The following VIPR2 variants were observed in gnomAD, a reference collection of about 807,000 sequenced individuals.
The protein encoded by VIPR2 is vasoactive intestinal polypeptide receptor 2.
In VIPR2, 48 loss-of-function variants were observed where a neutral mutation model predicts 58.0. The ratio of observed to expected loss-of-function variants is 0.83; its 90% CI spans 0.66 to 1.05. VIPR2 has a LOEUF of 1.05. Ranked by LOEUF, VIPR2 falls within the 50% of genes least tolerant of loss-of-function variation. The pLI, the probability that VIPR2 is intolerant of heterozygous loss-of-function variation, is 0.00. For missense variants in VIPR2, 534 were observed against 558.0 expected, an observed-to-expected ratio of 0.96 and a Z score of 0.43; for synonymous variants, 243 against 235.2, an observed-to-expected ratio of 1.03 and a Z score of -0.30.
At chr7:159,087,629 AC>A (rs879348075) in intron 4 of VIPR2, among the ~76,000 whole-genome samples, 4 of 129,312 alleles carry the variant, frequency 3.1e-5, no homozygotes, top group Non-Finnish European at 6.7e-5. Context: ...AGCTTCTCCA[AC>A]AAACAATACC....
At chr7:159,140,802 C>A (rs1019477013) in intron 2 of VIPR2, among the ~76,000 whole-genome samples, 1 of 152,210 alleles carries the variant, frequency 6.6e-6, no homozygotes, top group African/African-American at 2.4e-5. Context: ...TGAGGGGGAG[C>A]CCCTGTGAAT....
chr7:159,117,164 G>A (rs1263764748), intron 2 of VIPR2: 2 of 623,520 alleles, frequency 3.2e-6, no homozygotes, highest in Non-Finnish European at 5.8e-6. Context: ...CGGAGTGCGG[G>A]AGCCAGCCGA....
chr7:159,115,042 G>A (rs1796186395), intron 2 of VIPR2, among the ~76,000 whole-genome samples: 1 of 152,174 alleles, frequency 6.6e-6, no homozygotes. Context: ...AAAAACCCTA[G>A]AACTGTACTT....
At chr7:159,140,775 AC>A (rs1483872610) in intron 2 of VIPR2, among the ~76,000 whole-genome samples, 1 of 152,148 alleles carries the variant, frequency 6.6e-6, no homozygotes, top group Non-Finnish European at 1.5e-5. Flanking sequence ...GATATGACTC[AC>A]ACACGGACTG....
intron 4 of VIPR2, among the ~76,000 whole-genome samples, chr7:159,063,942 G>C (rs1246461906): frequency 6.7e-6 from 1 of 148,288 alleles, no homozygotes; most frequent in Admixed American, 6.7e-5. Context: ...TGGATCTGGG[G>C]GGCCTGGCGG....
At chr7:159,103,419 C>T (rs1429253226) in intron 4 of VIPR2, among the ~76,000 whole-genome samples, 1 of 152,200 alleles carries the variant, frequency 6.6e-6, no homozygotes, top group Non-Finnish European at 1.5e-5. Context: ...AATCCAAATG[C>T]AGAAAGGGCA....
rs1043577349 is a variant in VIPR2 at position 159,093,896 on chromosome 7, C to T, written c.357+9861G>A. On this transcript the variant is annotated intron_variant, in intron 4 of 12. Coordinates refer to ENST00000262178, the MANE Select transcript of VIPR2 (RefSeq NM_003382.5). This position sits in a 1 kb window ranked among gnomAD's most constrained non-coding sequence, Gnocchi z 6.7. ...CCACCCCATGCCCAGTGCTGACGGGCGCCCCTCGTGACTCCCTCTTTCAGG... is the reference window on the plus strand; with the variant it reads ...CCACCCCATGCCCAGTGCTGACGGGTGCCCCTCGTGACTCCCTCTTTCAGG... 3.9e-5 allele frequency among the ~76,000 whole-genome samples: 6 copies of T among 152,168 alleles called. No individual in the cohort carries two copies. The highest frequency in any genetic ancestry group is 8.8e-5 in the Non-Finnish European group (6 of 68,028).
rs1350972862 is a variant in VIPR2 at position 159,128,247 on chromosome 7, T to C, written c.151+14199A>G. On this transcript the variant is annotated intron_variant, in intron 2 of 12. Transcript: ENST00000262178. This position sits in a 1 kb window ranked among gnomAD's most constrained non-coding sequence, Gnocchi z 4.1. ...ATGGTGTGGAACAGCTGCTGGGCCC[T>C]GGGATGTCTGCCCCATCCATACCTT... Among the ~76,000 whole-genome samples, 3 of 152,128 alleles carry C rather than the reference T, an allele frequency of 2.0e-5. No individual in the cohort carries two copies. The highest frequency in any genetic ancestry group is 2.9e-5 in the Non-Finnish European group (2 of 68,010).
At chr7:159,107,209 C>T (rs1202916328) in intron 3 of VIPR2, among the ~76,000 whole-genome samples, 6 of 152,174 alleles carry the variant, frequency 3.9e-5, no homozygotes, top group East Asian at 1.9e-4. Flanking sequence ...GCTGGATGGG[C>T]GGCTGAGCTG....
Position 159,063,360 on chromosome 7 carries a change from C to T in VIPR2, c.358-4782G>A, listed in dbSNP as rs1300023284. Among the ~76,000 whole-genome samples the T allele has an allele frequency of 3.9e-5, 6 of 152,240 alleles. No individual in the cohort carries two copies. The South Asian group carries it at 1.0e-3, about 26-fold the overall frequency. On this transcript the variant is annotated intron_variant, in intron 4 of 12. Coordinates refer to ENST00000262178, the MANE Select transcript of VIPR2 (RefSeq NM_003382.5). The stretch of plus-strand genomic sequence containing the variant: ...GGCACTGCTGGGGGAACCCGGTGCA[C>T]CCTCCACAGCTGCTGGCCCGGGTGC...
At position 159,031,024 on chromosome 7, in the gene VIPR2, T is replaced by A. The variant is rs1258095524; in HGVS notation, c.1144-235A>T. ...AGACTCTAAGACTGTGCGTGGGTGGTTCGGGGATCGCCACTGCCGCGGTAA... is the reference window on the plus strand; with the variant it reads ...AGACTCTAAGACTGTGCGTGGGTGGATCGGGGATCGCCACTGCCGCGGTAA... On this transcript the variant is annotated intron_variant, in intron 12 of 12. Coordinates refer to ENST00000262178, the MANE Select transcript of VIPR2 (RefSeq NM_003382.5). This position sits in a 1 kb window ranked among gnomAD's most constrained non-coding sequence, Gnocchi z 4.0. 6.6e-6 allele frequency among the ~76,000 whole-genome samples: 1 copy of A among 152,144 alleles called. No homozygotes were observed.
At chr7:159,120,116 G>A (rs151098697) in intron 2 of VIPR2, among the ~76,000 whole-genome samples, 15 of 152,206 alleles carry the variant, frequency 9.9e-5, no homozygotes, top group Non-Finnish European at 1.3e-4. Context: ...TTCTGCACCT[G>A]CTGAGGGTCC....
Position 159,035,955 on chromosome 7 carries a change from G to C in VIPR2, c.806C>G (p.Thr269Ser). The C allele has an allele frequency of 6.2e-7, 1 of 1,613,680 alleles. No homozygotes were observed. Among genetic ancestry groups the C allele is most frequent in the Non-Finnish European group, 8.5e-7 (1 of 1,179,794 alleles). The stretch of plus-strand genomic sequence containing the variant: ...TGCAGTCTGGTCATGGACTCACCCG[G>C]TGTCTTCTAAGTAGAGCCTGGCCGC... ...WTAARLYLEDTGCWDTNDHSV... is the reference protein window; with the variant it reads ...WTAARLYLEDSGCWDTNDHSV... The change falls in exon 8 of 13, where the codon ACC becomes AGC. Residue 269 changes from threonine (T) to serine (S), a missense_variant. Physicochemically the swap from Thr to Ser is moderately conservative, Grantham distance 58. Around this residue, in one of 3 missense-constraint regions of VIPR2, gnomAD observed 306 missense variants for 285.8 expected, o/e 1.07. Transcript: ENST00000262178.
intron 3 of VIPR2, among the ~76,000 whole-genome samples, chr7:159,105,491 G>A (rs761866425): frequency 3.3e-5 from 5 of 152,212 alleles, no homozygotes; most frequent in East Asian, 1.9e-4. Context: ...AGTGGGGTGC[G>A]TGCATGATTC....
chr7:159,052,487 G>C (rs1585368970), intron 5 of VIPR2, among the ~76,000 whole-genome samples: 1 of 152,034 alleles, frequency 6.6e-6, no homozygotes, highest in East Asian at 1.9e-4. Context: ...ATTTAAAGAA[G>C]ATATAACATC....
At chr7:159,041,982 G>A (rs1854378329) in intron 6 of VIPR2, among the ~76,000 whole-genome samples, 1 of 152,130 alleles carries the variant, frequency 6.6e-6, no homozygotes, top group Non-Finnish European at 1.5e-5. Flanking sequence ...GGGCTTGCCA[G>A]GTGAAAAATC....
Position 159,058,511 on chromosome 7 carries a change from G to C in VIPR2, c.425C>G (p.Ala142Gly). The C allele has an allele frequency of 6.2e-7, 1 of 1,613,382 alleles. No homozygotes were observed. The highest frequency in any genetic ancestry group is 2.2e-5 in the East Asian group (1 of 44,876). ...GAGGCACAGAATTATGCTTCCTGTT[G>C]CAAGAGACATCAGAGAGACACTGTA... The part of the protein sequence containing the change: ...LGYSVSLMSL[A>G]TGSIILCLFR... Residue 142 changes from alanine (A) to glycine (G), a missense_variant, in exon 5 of 13, where the codon GCA becomes GGA. Physicochemically the swap from Ala to Gly is moderately conservative, Grantham distance 60. This residue lies in a region of VIPR2 where 224 missense variants were observed against 255.7 expected (regional missense o/e 0.88). Transcript: ENST00000262178.
chr7:159,034,270 A>G lies in VIPR2; in HGVS notation c.914T>C (p.Ile305Thr). The G allele has an allele frequency of 6.2e-7, 1 of 1,614,094 alleles. No homozygotes were observed. The highest frequency in any genetic ancestry group is 8.5e-7 in the Non-Finnish European group (1 of 1,180,010). ...NFVLFISIIR[I>T]LLQKLTSPDV... ...TGGGGATGTTAACTTCTGCAGCAAA[A>G]TTCGTATAATACTAATGAAAAGGAC... Residue 305 changes from isoleucine (I) to threonine (T), a missense_variant, in exon 10 of 13, where the codon ATT becomes ACT. Ile to Thr is a moderately conservative substitution (Grantham distance 89). Transcript: ENST00000262178.
rs1853817456 is a variant in VIPR2, at chr7:159,034,703, G to T, written c.810-53C>A. ...TACCACCAACCACTTTCGCAAGACA[G>T]GTACAGAAGAATGAGCGCCTGCCCC... On this transcript the variant is annotated intron_variant, in intron 8 of 12. Transcript: ENST00000262178. 2.6e-6 allele frequency: 4 copies of T among 1,538,120 alleles called. No individual in the cohort carries two copies. In the Admixed American group the frequency reaches 6.7e-5, roughly 26 times the overall value.
Sources: allele counts gnomAD v4.1 joint callset (sites outside exome capture counted in the v4.1 genomes callset), GRCh38; gene constraint gnomAD v4.1.1; regional missense constraint gnomAD v4.1.1; non-coding constraint Gnocchi (gnomAD v3.1); transcripts MANE v1.5; gene names NCBI Gene and HGNC (gene_info 2026-07-23, HGNC 2026-07-21).